BCAS3: variants seen among roughly 807,000 people sequenced by gnomAD.
BCAS3 encodes the protein BCAS3 microtubule associated cell migration factor.
In BCAS3, 53 loss-of-function variants were observed where a neutral mutation model predicts 116.1. The ratio of observed to expected loss-of-function variants is 0.46; its 90% CI spans 0.37 to 0.57. The LOEUF (loss-of-function observed/expected upper bound fraction) is 0.57. Among genes scored for constraint, BCAS3 ranks in the 20% least tolerant of loss-of-function variants. BCAS3 has a pLI of 0.00. For synonymous variants in BCAS3, 391 were observed against 408.2 expected (o/e 0.96, Z 0.51); for missense variants, 917 against 1,165.4 (o/e 0.79, Z 3.10).
intron 7 of BCAS3, among the ~76,000 whole-genome samples, chr17:60,863,966 C>T (rs899802206): frequency 9.2e-5 from 14 of 152,316 alleles, no homozygotes; most frequent in Non-Finnish European, 1.8e-4. Flanking sequence ...GAAACCAACA[C>T]ATCAAACTGA....
At chr17:61,288,041 T>C (rs1403386010) in intron 22 of BCAS3, among the ~76,000 whole-genome samples, 2 of 152,220 alleles carry the variant, frequency 1.3e-5, no homozygotes, top group Non-Finnish European at 2.9e-5. Context: ...TACACCAAAG[T>C]GTAAAAGACA....
intron 13 of BCAS3, among the ~76,000 whole-genome samples, chr17:60,940,872 A>G (rs1476622820): frequency 6.6e-6 from 1 of 152,220 alleles, no homozygotes; most frequent in Non-Finnish European, 1.5e-5. Flanking sequence ...TGTTATAAAT[A>G]GGATATGGCA....
intron 22 of BCAS3, among the ~76,000 whole-genome samples, chr17:61,304,162 C>A (rs2053656261): frequency 6.6e-6 from 1 of 152,216 alleles, no homozygotes; most frequent in Non-Finnish European, 1.5e-5. Context: ...CCTATTACCA[C>A]CCCCAAGTTC....
chr17:61,332,265 CA>C lies in BCAS3; in HGVS notation c.2426-36061del, dbSNP rs2056356822. On this transcript the variant is annotated intron_variant, in intron 22 of 23. Coordinates refer to ENST00000407086, the MANE Select transcript of BCAS3 (RefSeq NM_017679.5). This position sits in a 1 kb window ranked among gnomAD's most constrained non-coding sequence, Gnocchi z 5.4. The stretch of plus-strand genomic sequence containing the variant: ...ATACTGCCTGGTGACCCACCTAAAA[CA>C]GTCTTACTAGGACAGCAGGCTTAAG... Among the ~76,000 whole-genome samples the C allele has an allele frequency of 1.3e-5, 2 of 152,186 alleles. No individual in the cohort carries two copies. Among genetic ancestry groups the C allele is most frequent in the South Asian group, 4.1e-4 (2 of 4,824 alleles).
chr17:61,196,337 AG>A lies in BCAS3; in HGVS notation c.2425+111774del. Reference sequence around the variant, plus strand: ...CCATTGTCTGAACTGTCACAGCAATAGCGCGTAAAGCTGTTTGCATAGCGTG... The same window carrying A: ...CCATTGTCTGAACTGTCACAGCAATACGCGTAAAGCTGTTTGCATAGCGTG... On this transcript the variant is annotated intron_variant, in intron 22 of 23. Transcript: ENST00000407086. This position sits in a 1 kb window ranked among gnomAD's most constrained non-coding sequence, Gnocchi z 4.7. Among the ~76,000 whole-genome samples the A allele has an allele frequency of 6.6e-6, 1 of 152,280 alleles. No individual in the cohort carries two copies. Among genetic ancestry groups the A allele is most frequent in the Non-Finnish European group, 1.5e-5 (1 of 68,048 alleles).
chr17:61,120,156 C>G (rs149117598), intron 22 of BCAS3, among the ~76,000 whole-genome samples: 4 of 152,136 alleles, frequency 2.6e-5, no homozygotes, highest in African/African-American at 9.6e-5. Flanking sequence ...TGAAAGTATA[C>G]AGGCAAGAAT....
At chr17:61,067,305 A>G (rs1184927499) in intron 19 of BCAS3, among the ~76,000 whole-genome samples, 2 of 133,978 alleles carry the variant, frequency 1.5e-5, no homozygotes, top group Middle Eastern at 3.4e-3. Context: ...ATATATATAT[A>G]TATATATATA....
rs2049189667 is a variant in BCAS3 at position 61,261,386 on chromosome 17, T to A, written c.2426-106941T>A. 6.6e-6 allele frequency among the ~76,000 whole-genome samples: 1 copy of A among 152,212 alleles called. No individual in the cohort carries two copies. The highest frequency in any genetic ancestry group is 1.5e-5 in the Non-Finnish European group (1 of 68,026). The stretch of plus-strand genomic sequence containing the variant: ...ATGCTACCCCCTGACCCTTTATAAG[T>A]CAGCCTTGCTTGATTACTCCTTTTA... On this transcript the variant is annotated intron_variant, in intron 22 of 23. Transcript: ENST00000407086. The surrounding 1 kb of genome is among the most constrained non-coding windows in gnomAD (Gnocchi z 4.4).
At chr17:60,946,538 G>A (rs952348401) in intron 13 of BCAS3, among the ~76,000 whole-genome samples, 9 of 152,124 alleles carry the variant, frequency 5.9e-5, no homozygotes, top group African/African-American at 2.2e-4. Context: ...ATAAATTGGA[G>A]CGTAGAATTA....
chr17:61,221,376 C>T (rs150443580), intron 22 of BCAS3, among the ~76,000 whole-genome samples: 28 of 152,328 alleles, frequency 1.8e-4, no homozygotes, highest in African/African-American at 6.0e-4. Flanking sequence ...AATCTCCTAT[C>T]AGACACTTAA....
At chr17:61,169,509 G>A (rs2078712090) in intron 22 of BCAS3, among the ~76,000 whole-genome samples, 1 of 152,104 alleles carries the variant, frequency 6.6e-6, no homozygotes, top group Non-Finnish European at 1.5e-5. Flanking sequence ...CTGGCCTTAT[G>A]CAATCCTCCC....
At chr17:60,980,636 C>T (rs978650584) in intron 14 of BCAS3, 2 of 151,086 alleles carry the variant, frequency 1.3e-5, no homozygotes, top group East Asian at 3.9e-4. Flanking sequence ...TGGGCTCAAG[C>T]AATACTCCCA....
In BCAS3 at chr17:61,134,742, C is replaced by T. The variant is rs564890425; in HGVS notation, c.2425+50178C>T. Among the ~76,000 whole-genome samples, 232 of 152,248 alleles carry T rather than the reference C, an allele frequency of 1.5e-3. No individual in the cohort carries two copies. Among genetic ancestry groups the T allele is most frequent in the African/African-American group, 4.0e-3 (165 of 41,550 alleles). On this transcript the variant is annotated intron_variant, in intron 22 of 23. Transcript: ENST00000407086. The surrounding 1 kb of genome is among the most constrained non-coding windows in gnomAD (Gnocchi z 4.6). ...TAACCTTCAAAACAATCCTTTTTGACATCAGTTTTTTGTTCCTAAGAAAAG... is the reference window on the plus strand; with the variant it reads ...TAACCTTCAAAACAATCCTTTTTGATATCAGTTTTTTGTTCCTAAGAAAAG...
intron 22 of BCAS3, among the ~76,000 whole-genome samples, chr17:61,289,632 C>T (rs1329563133): frequency 6.6e-6 from 1 of 152,066 alleles, no homozygotes; most frequent in Non-Finnish European, 1.5e-5. Context: ...ATTAGAGACC[C>T]CGTTCTTGCC....
chr17:60,935,243 A>G (rs2059858553), intron 13 of BCAS3, among the ~76,000 whole-genome samples: 1 of 152,194 alleles, frequency 6.6e-6, no homozygotes, highest in South Asian at 2.1e-4. Flanking sequence ...AGAAAGTGGA[A>G]GTAATGTTTA....
At chr17:61,109,222 C>T (rs1188486285) in intron 22 of BCAS3, among the ~76,000 whole-genome samples, 1 of 151,078 alleles carries the variant, frequency 6.6e-6, no homozygotes, top group Non-Finnish European at 1.5e-5. Context: ...GTCCCCAGTT[C>T]CATCCAGGTT....
chr17:61,084,432 G>T lies in BCAS3; in HGVS notation c.2328-35G>T. On this transcript the variant is annotated intron_variant, in intron 21 of 23. Transcript: ENST00000407086. The surrounding 1 kb of genome is among the most constrained non-coding windows in gnomAD (Gnocchi z 5.5). ...GTAGCAAGTGACAGTTTTGATGCCA[G>T]TAACATATGTGAATTAAATTAAATT... 1 of 1,545,904 alleles carries T rather than the reference G, an allele frequency of 6.5e-7. No individual in the cohort carries two copies.
At position 61,128,727 on chromosome 17, in the gene BCAS3, T is replaced by G. The variant is rs890192988; in HGVS notation, c.2425+44163T>G. 7.9e-5 allele frequency: 43 copies of G among 544,288 alleles called. No homozygotes were observed. The highest frequency in any genetic ancestry group is 9.6e-5 in the Non-Finnish European group (41 of 427,434). The allele number at this position is 544,288 out of a possible 1,614,324, so 33.7% of individuals were successfully genotyped here. A position where few individuals can be genotyped will look rare whatever the true frequency, so the allele number is the denominator to read the frequency against. ...TGGCAGTCGTCTCACAACATGATTT[T>G]GCATTTACATCATCGTGCTAGCTGG... On this transcript the variant is annotated intron_variant, in intron 22 of 23. Coordinates refer to ENST00000407086, the MANE Select transcript of BCAS3 (RefSeq NM_017679.5). This position sits in a 1 kb window ranked among gnomAD's most constrained non-coding sequence, Gnocchi z 4.1.
Position 61,368,396 on chromosome 17 carries a change from A to C in BCAS3, c.2495A>C (p.His832Pro). ...GSWPEGFGLRHMSSMEHTEEG... is the reference protein window; with the variant it reads ...GSWPEGFGLRPMSSMEHTEEG... The stretch of plus-strand genomic sequence containing the variant: ...TGGCCTGAGGGCTTCGGGCTGCGGC[A>C]CATGTCCTCCATGGAGCACACGGAG... The change falls in exon 23 of 24, where the codon CAC becomes CCC. Residue 832 changes from histidine to proline, a missense_variant. This residue lies in a region of BCAS3 where 109 missense variants were observed against 122.8 expected (regional missense o/e 0.89). Coordinates refer to ENST00000407086, the MANE Select transcript of BCAS3 (RefSeq NM_017679.5). This position sits in a 1 kb window ranked among gnomAD's most constrained non-coding sequence, Gnocchi z 6.0. 1 of 1,613,036 alleles carries C rather than the reference A, an allele frequency of 6.2e-7. No homozygotes were observed. The highest frequency in any genetic ancestry group is 2.2e-5 in the East Asian group (1 of 44,814).
Sources: gnomAD v4.1 joint callset for allele counts (sites outside exome capture counted in the v4.1 genomes callset) on GRCh38, gnomAD v4.1.1 for gene constraint, gnomAD v4.1.1 regional missense constraint, Gnocchi (gnomAD v3.1) non-coding constraint, MANE v1.5 for transcripts, NCBI Gene and HGNC (gene_info 2026-07-23, HGNC 2026-07-21) for gene names.